CPT1B: variants seen among roughly 807,000 people sequenced by gnomAD.
The protein encoded by CPT1B is carnitine O-palmitoyltransferase 1, muscle isoform.
A neutral mutation model predicts 92.7 loss-of-function variants in CPT1B; 57 were observed. That is an observed-to-expected ratio of 0.62 (90% CI 0.50 to 0.77). The LOEUF (loss-of-function observed/expected upper bound fraction) is 0.77, where lower values mean the gene tolerates loss of function less well. CPT1B is among the 30% of genes least tolerant of loss of function. The pLI, the probability that CPT1B is intolerant of heterozygous loss-of-function variation, is 0.00. For missense variants in CPT1B, 983 were observed against 1,017.4 expected, an observed-to-expected ratio of 0.97 and a Z score of 0.46; for synonymous variants, 398 against 383.5, an observed-to-expected ratio of 1.04 and a Z score of -0.44.
Position 50,577,921 on chromosome 22 carries a change from G to A in CPT1B, c.-6C>T. The A allele has an allele frequency of 1.2e-6, 2 of 1,606,272 alleles. No individual in the cohort carries two copies. The highest frequency in any genetic ancestry group is 1.7e-6 in the Non-Finnish European group (2 of 1,174,866). On this transcript the variant is annotated 5_prime_UTR_variant, in exon 2 of 20. Transcript: ENST00000312108. ...GCCTGGTGAGCTTCCGCCATCCTGGGGGTTGGTCGGCACCTAGGACGGGGG... is the reference window on the plus strand; with the variant it reads ...GCCTGGTGAGCTTCCGCCATCCTGGAGGTTGGTCGGCACCTAGGACGGGGG...
chr22:50,570,853 G>T, intron 16 of CPT1B, 38 bp downstream of exon 16: 1 of 1,602,076 alleles, frequency 6.2e-7, no homozygotes, highest in South Asian at 1.1e-5. Context: ...GTGTAGGAGG[G>T]CAGTGGGACA....
At chr22:50,577,545 G>A in intron 2 of CPT1B, 82 bp from the exon 3 acceptor site, 1 of 1,554,776 alleles carries the variant, frequency 6.4e-7, no homozygotes, top group Non-Finnish European at 8.7e-7. Context: ...CTGGCTCCTG[G>A]TCTTGGCCTG....
intron 9 of CPT1B, 67 bp downstream of exon 9, chr22:50,574,268 A>G: frequency 7.8e-7 from 1 of 1,279,584 alleles, no homozygotes; most frequent in Non-Finnish European, 1.1e-6. Flanking sequence ...ACGCTTGGTG[A>G]TGAGCAGGCA....
Position 50,576,509 on chromosome 22 carries a change from A to G in CPT1B, c.561+27T>C, listed in dbSNP as rs1329186965. 4.4e-6 allele frequency: 7 copies of G among 1,593,082 alleles called. No homozygotes were observed. The Admixed American group carries it at 5.4e-5, about 12-fold the overall frequency. ...CTCCTGAATCCAACCTCCCCTGCCC[A>G]CTGGGATGCCCAAGCGAGGCCCTCA... On this transcript the variant is annotated intron_variant, in intron 5 of 19. Coordinates refer to ENST00000312108, the MANE Select transcript of CPT1B (RefSeq NM_152246.3).
intron 2 of CPT1B, 21 bp downstream of exon 2, chr22:50,577,754 G>A (rs2070524015): frequency 6.2e-7 from 1 of 1,607,992 alleles, no homozygotes. Flanking sequence ...CCTACGCTCT[G>A]GGAGAAGCAC....
In CPT1B at chr22:50,571,515, A is replaced by G; in HGVS notation, c.1600T>C (p.Tyr534His). The G allele has an allele frequency of 1.9e-6, 3 of 1,613,214 alleles. No individual in the cohort carries two copies. The highest frequency in any genetic ancestry group is 2.5e-6 in the Non-Finnish European group (3 of 1,179,996). ...KQCQAVIESS[Y>H]QVAKALADDV... ...TCTGCCAACGCCTTGGCCACCTGGT[A>G]GGAACTCTCGATGACCGCCTGGCAC... Residue 534 changes from tyrosine to histidine, a missense_variant, in exon 14 of 20, where the codon TAC becomes CAC. Transcript: ENST00000312108.
intron 16 of CPT1B, among the ~76,000 whole-genome samples, 160 bp downstream of exon 16, chr22:50,570,717 TCAGTCCCAGGACCA>T (rs2070124547): frequency 6.6e-6 from 1 of 152,190 alleles, no homozygotes; most frequent in East Asian, 1.9e-4. Context: ...TTGCTCCTGC[TCAGTCCCAGGACCA>T]CAGGCCCAGG....
chr22:50,572,988 C>T lies in CPT1B; in HGVS notation c.1239G>A (p.Glu413=). Residue 413 remains glutamate (E), a synonymous_variant, in exon 11 of 20, where the codon GAG becomes GAA. Coordinates refer to ENST00000312108, the MANE Select transcript of CPT1B (RefSeq NM_152246.3). The part of the protein sequence containing the change: ...GKNKAALEAI[E]RAAFFVALDE... ...CCAGGGCCACGAAGAAAGCGGCACG[C>T]TCGATGGCCTCCAAGGCAGCCTTAT... 6.2e-7 allele frequency: 1 copy of T among 1,613,710 alleles called. No homozygotes were observed. Among genetic ancestry groups the T allele is most frequent in the Non-Finnish European group, 8.5e-7 (1 of 1,179,860 alleles).
At chr22:50,577,270 G>C in intron 3 of CPT1B, 54 bp downstream of exon 3, 2 of 1,603,564 alleles carry the variant, frequency 1.2e-6, no homozygotes, top group Non-Finnish European at 8.5e-7. Context: ...AGCCTTGGGA[G>C]CTGGGCCCAG....
intron 13 of CPT1B, 44 bp downstream of exon 13, chr22:50,571,962 G>T: frequency 1.3e-6 from 2 of 1,565,682 alleles, no homozygotes; most frequent in Non-Finnish European, 1.8e-6. Flanking sequence ...GTACCCACCT[G>T]CTGCTTTGTG....
chr22:50,573,986 C>T lies in CPT1B; in HGVS notation c.971-271G>A, dbSNP rs1204272836. 6 of 700,986 alleles carry T rather than the reference C, an allele frequency of 8.6e-6. No homozygotes were observed. In the East Asian group the frequency reaches 1.4e-4, roughly 16 times the overall value. 43.4% of individuals were successfully genotyped at this position (700,986 alleles called of 1,614,324 possible). On this transcript the variant is annotated intron_variant, in intron 9 of 19. Coordinates refer to ENST00000312108, the MANE Select transcript of CPT1B (RefSeq NM_152246.3). This position sits in a 1 kb window ranked among gnomAD's most constrained non-coding sequence, Gnocchi z 5.0. ...GGGTTGTGCAAACCGCCTAAGGATA[C>T]AGTGTCAGAAGCAGGGAAGGCTGCT... is the stretch of plus-strand genomic sequence containing the variant.
At chr22:50,572,788 AC>A in intron 11 of CPT1B, 86 bp downstream of exon 11, 1 of 1,446,016 alleles carries the variant, frequency 6.9e-7, no homozygotes, top group South Asian at 1.3e-5. Flanking sequence ...CCAGCTCATA[AC>A]CCTACCTTCT....
chr22:50,574,025 C>T (rs1242675924), intron 9 of CPT1B: 6 of 690,482 alleles, frequency 8.7e-6, no homozygotes, highest in Admixed American at 4.1e-5. Flanking sequence ...TCTGCCAGAC[C>T]CCTGGGTGCG....
chr22:50,570,819 A>C, intron 16 of CPT1B, 72 bp downstream of exon 16: 1 of 1,565,804 alleles, frequency 6.4e-7, no homozygotes, highest in South Asian at 1.2e-5. Flanking sequence ...GCCGTGCTCC[A>C]TCATGAGATG....
In CPT1B at chr22:50,569,387, G is replaced by T; in HGVS notation, c.2270C>A (p.Ala757Asp). ...GAAAAGATCAGCAATGTCCAGCAGG[G>T]CTTTGCGGATGTGGTTTCCAAAGCG... ...AQRFGNHIRK[A>D]LLDIADLFQV... The change falls in exon 19 of 20, where the codon GCC (alanine) becomes GAC (aspartate). Residue 757 changes from alanine to aspartate, a missense_variant. Coordinates refer to ENST00000312108, the MANE Select transcript of CPT1B (RefSeq NM_152246.3). 6.2e-7 allele frequency: 1 copy of T among 1,614,174 alleles called. No individual in the cohort carries two copies. Among genetic ancestry groups the T allele is most frequent in the East Asian group, 2.2e-5 (1 of 44,880 alleles).
Position 50,573,413 on chromosome 22 carries a change from A to G in CPT1B, c.1166+107T>C. On this transcript the variant is annotated intron_variant, in intron 10 of 19. Transcript: ENST00000312108. This position sits in a 1 kb window ranked among gnomAD's most constrained non-coding sequence, Gnocchi z 5.0. ...CCATGACCACCAATGCCCCTCCCCT[A>G]GTTGTGCCTCCAGCCTCCAGTTCCA... 1.0e-6 allele frequency: 1 copy of G among 968,478 alleles called. No individual in the cohort carries two copies. Among genetic ancestry groups the G allele is most frequent in the Non-Finnish European group, 1.5e-6 (1 of 654,966 alleles). 60.0% of individuals were successfully genotyped at this position (968,478 alleles called of 1,614,324 possible).
In CPT1B at chr22:50,577,107, G is replaced by A. The variant is rs2070479710; in HGVS notation, c.282-73C>T. 3.2e-6 allele frequency: 5 copies of A among 1,541,030 alleles called. No individual in the cohort carries two copies. The Admixed American group carries it at 5.2e-5, about 16-fold the overall frequency. ...TCGGGTGGCTGTGAACTGTCTCAGG[G>A]GAGACACCAAGGGGAAGAACCTCCC... On this transcript the variant is annotated intron_variant, in intron 3 of 19. Coordinates refer to ENST00000312108, the MANE Select transcript of CPT1B (RefSeq NM_152246.3).
At chr22:50,569,928 C>T (rs1438546857) in intron 17 of CPT1B, among the ~76,000 whole-genome samples, 1 of 152,206 alleles carries the variant, frequency 6.6e-6, no homozygotes, top group Non-Finnish European at 1.5e-5. Flanking sequence ...CCAGAGGGTT[C>T]TCTAGCCTTC....
In CPT1B at chr22:50,574,512, T is replaced by G. The variant is rs2070342567; in HGVS notation, c.866A>C (p.Asp289Ala). Residue 289 changes from aspartate to alanine, a missense_variant, in exon 8 of 20, where the codon GAC (aspartate) becomes GCC (alanine). By Grantham distance (126) the Asp-to-Ala change is moderately radical. Transcript: ENST00000312108. ...ACTCACAGGCTTGATTTCTTCACGG[T>G]CCAGTTTACGGCGATACATGATCAT... is the stretch of plus-strand genomic sequence containing the variant. ...HAMIMYRRKL[D>A]REEIKPVMAL... 2 of 1,613,988 alleles carry G rather than the reference T, an allele frequency of 1.2e-6. No homozygotes were observed. The highest frequency in any genetic ancestry group is 1.7e-6 in the Non-Finnish European group (2 of 1,180,018).
Sources: gnomAD v4.1 joint callset for allele counts (sites outside exome capture counted in the v4.1 genomes callset) on GRCh38, gnomAD v4.1.1 for gene constraint, Gnocchi (gnomAD v3.1) non-coding constraint, MANE v1.5 for transcripts, NCBI Gene and HGNC (gene_info 2026-07-23, HGNC 2026-07-21) for gene names.